TMCC1: variants seen among roughly 807,000 people sequenced by gnomAD.
The protein encoded by TMCC1 is transmembrane and coiled-coil domain family 1.
TMCC1 carries 15 observed loss-of-function variants against 52.4 expected under a neutral mutation model. The observed-to-expected ratio is 0.29, with a 90% CI of 0.19 to 0.44. The LOEUF (loss-of-function observed/expected upper bound fraction) is 0.44, where lower values mean the gene tolerates loss of function less well. Among genes scored for constraint, TMCC1 ranks in the 20% least tolerant of loss-of-function variants. The pLI is 1.00. For synonymous variants in TMCC1, 279 were observed against 301.9 expected (o/e 0.92, Z 0.79); for missense variants, 503 against 806.0 (o/e 0.62, Z 4.55).
At chr3:129,716,855 CT>C (rs1405739451) in intron 4 of TMCC1, among the ~76,000 whole-genome samples, 1 of 152,144 alleles carries the variant, frequency 6.6e-6, no homozygotes, top group African/African-American at 2.4e-5. Flanking sequence ...CCAAAGCTAG[CT>C]TTGGAATAAA....
chr3:129,825,856 T>G (rs555952518), intron 4 of TMCC1, among the ~76,000 whole-genome samples: 1 of 152,302 alleles, frequency 6.6e-6, no homozygotes, highest in South Asian at 2.1e-4. Flanking sequence ...ATATAATGAC[T>G]GTGTTACTAT....
chr3:129,760,496 T>TGTGTGTG (rs1560353306), intron 4 of TMCC1, among the ~76,000 whole-genome samples: 961 of 67,122 alleles, frequency 0.014, 19 homozygotes, highest in African/African-American at 0.033. Flanking sequence ...GTGTGTGTGT[T>TGTGTGTG]TTTGAGACAG....
At chr3:129,846,075 C>A (rs2059652307) in intron 2 of TMCC1, among the ~76,000 whole-genome samples, 2 of 151,948 alleles carry the variant, frequency 1.3e-5, no homozygotes, top group South Asian at 4.2e-4. Context: ...CATCAAACAT[C>A]ATGTGACATA....
chr3:129,748,715 A>G (rs1304300374), intron 4 of TMCC1, among the ~76,000 whole-genome samples: 6 of 151,318 alleles, frequency 4.0e-5, no homozygotes, highest in Admixed American at 1.3e-4. Context: ...CTTAATTTCA[A>G]TTTCGGGCCA....
intron 4 of TMCC1, among the ~76,000 whole-genome samples, chr3:129,720,502 G>A (rs2049485919): frequency 6.6e-6 from 1 of 152,028 alleles, no homozygotes; most frequent in Admixed American, 6.6e-5. Context: ...AAAACCTTGA[G>A]AGGTCCAGCC....
chr3:129,861,206 C>T (rs371407936), intron 2 of TMCC1, among the ~76,000 whole-genome samples: 80 of 152,116 alleles, frequency 5.3e-4, no homozygotes, highest in East Asian at 2.3e-3. Flanking sequence ...TTTGGGAGGC[C>T]GAGGCGGGCG....
intron 2 of TMCC1, among the ~76,000 whole-genome samples, chr3:129,874,516 T>C (rs1213198003): frequency 2.0e-5 from 3 of 152,076 alleles, no homozygotes; most frequent in African/African-American, 4.8e-5. Context: ...AAGATCAGCG[T>C]TGTCAACATA....
In TMCC1 at chr3:129,880,302, G is replaced by A. The variant is rs1467444888; in HGVS notation, c.-184+7C>T. The A allele has an allele frequency of 6.6e-6, 1 of 152,136 alleles. No homozygotes were observed. Among genetic ancestry groups the A allele is most frequent in the Admixed American group, 6.6e-5 (1 of 15,260 alleles). 9.4% of individuals were successfully genotyped at this position (152,136 alleles called of 1,614,324 possible). A position where few individuals can be genotyped will look rare whatever the true frequency, so the allele number is the denominator to read the frequency against. ...GTGATTTTGCAGTAGAAGAAAAAAC[G>A]ACATACCTCCTCAAAATCCCAGCAA... On this transcript the variant is annotated splice_region_variant and intron_variant, in intron 2 of 6. Coordinates refer to ENST00000393238, the MANE Select transcript of TMCC1 (RefSeq NM_001017395.5).
At chr3:129,728,352 C>A (rs1194217710) in intron 4 of TMCC1, among the ~76,000 whole-genome samples, 1 of 152,138 alleles carries the variant, frequency 6.6e-6, no homozygotes. Flanking sequence ...ATGGTGCGAT[C>A]TTGACTCACT....
chr3:129,761,557 A>C (rs1375564317), intron 4 of TMCC1, among the ~76,000 whole-genome samples: 2 of 152,156 alleles, frequency 1.3e-5, no homozygotes, highest in Non-Finnish European at 2.9e-5. Flanking sequence ...TGCAGATGTT[A>C]TAATTTCTTG....
chr3:129,795,470 CT>C (rs1428700030), intron 4 of TMCC1, among the ~76,000 whole-genome samples: 3 of 151,280 alleles, frequency 2.0e-5, no homozygotes, highest in East Asian at 3.9e-4. Flanking sequence ...TTTTTTTTCC[CT>C]GTTCCAGTGT....
chr3:129,666,133 C>A (rs1248750501), intron 5 of TMCC1, among the ~76,000 whole-genome samples: 1 of 152,148 alleles, frequency 6.6e-6, no homozygotes. Flanking sequence ...TCTTCCTACA[C>A]AAAAAGCAAA....
chr3:129,792,515 TTATTTTTA>T lies in TMCC1; in HGVS notation c.576+35280_576+35287del, dbSNP rs2056548223. Among the ~76,000 whole-genome samples, 11 of 152,216 alleles carry T rather than the reference TTATTTTTA, an allele frequency of 7.2e-5. No homozygotes were observed. In the South Asian group the frequency reaches 2.3e-3, roughly 32 times the overall value. On this transcript the variant is annotated intron_variant, in intron 4 of 6. Coordinates refer to ENST00000393238, the MANE Select transcript of TMCC1 (RefSeq NM_001017395.5). ...ACAGGCACGCACCACCATGCCCGGT[TTATTTTTA>T]TATTTTTAGTAGAGATGAGGTTTCA... is the stretch of plus-strand genomic sequence containing the variant.
rs535660261 is a variant in TMCC1, at chr3:129,845,659, T to C, written c.-183-12833A>G. 2.6e-5 allele frequency among the ~76,000 whole-genome samples: 4 copies of C among 152,288 alleles called. No individual in the cohort carries two copies. The East Asian group carries it at 7.7e-4, about 29-fold the overall frequency. On this transcript the variant is annotated intron_variant, in intron 2 of 6. Coordinates refer to ENST00000393238, the MANE Select transcript of TMCC1 (RefSeq NM_001017395.5). ...AAACACACTGCATTAGACAATTCAG[T>C]TAACCCTCACTGATGTAGAAGTACC... is the stretch of plus-strand genomic sequence containing the variant.
At chr3:129,698,107 T>G (rs1036148044) in intron 4 of TMCC1, among the ~76,000 whole-genome samples, 2 of 152,182 alleles carry the variant, frequency 1.3e-5, no homozygotes, top group Non-Finnish European at 1.5e-5. Context: ...ACCAATTTAC[T>G]ATATTAGTCA....
intron 4 of TMCC1, among the ~76,000 whole-genome samples, chr3:129,822,115 T>C (rs546044498): frequency 1.8e-4 from 27 of 152,266 alleles, no homozygotes; most frequent in Middle Eastern, 6.8e-3. Context: ...TTTTTAGGCA[T>C]TGTAAATAAC....
At chr3:129,800,286 A>G (rs1053203836) in intron 4 of TMCC1, among the ~76,000 whole-genome samples, 1 of 152,206 alleles carries the variant, frequency 6.6e-6, no homozygotes, top group East Asian at 1.9e-4. Flanking sequence ...TAAATCTGCT[A>G]TAAAATTATC....
chr3:129,754,238 T>A (rs564392379), intron 4 of TMCC1, among the ~76,000 whole-genome samples: 22 of 152,112 alleles, frequency 1.4e-4, no homozygotes, highest in African/African-American at 4.8e-4. Context: ...CAAAGAAGAG[T>A]CAAATAAATG....
At chr3:129,751,005 G>C (rs1224369423) in intron 4 of TMCC1, among the ~76,000 whole-genome samples, 1 of 152,096 alleles carries the variant, frequency 6.6e-6, no homozygotes, top group East Asian at 1.9e-4. Context: ...TTCGAGACCA[G>C]TGTGGGCAAC....
Sources: allele counts gnomAD v4.1 joint callset (sites outside exome capture counted in the v4.1 genomes callset), GRCh38; gene constraint gnomAD v4.1.1; transcripts MANE v1.5; gene names NCBI Gene and HGNC (gene_info 2026-07-23, HGNC 2026-07-21).